Variants in TENT4A observed in about 807,000 individuals in gnomAD.
TENT4A encodes the protein terminal nucleotidyltransferase 4A, also known as DNA polymerase kappa.
A neutral mutation model predicts 72.8 loss-of-function variants in TENT4A; 7 were observed. The ratio of observed to expected loss-of-function variants is 0.10; its 90% CI spans 0.05 to 0.18. The LOEUF (loss-of-function observed/expected upper bound fraction) is 0.18, where lower values mean the gene tolerates loss of function less well. TENT4A is among the 10% of genes least tolerant of loss of function. TENT4A has a pLI of 1.00. For synonymous variants in TENT4A, 456 were observed against 434.3 expected (o/e 1.05, Z -0.62); for missense variants, 831 against 1,017.7 (o/e 0.82, Z 2.50).
At chr5:6,743,146 A>G (rs937973319) in intron 5 of TENT4A, among the ~76,000 whole-genome samples, 32 of 152,056 alleles carry the variant, frequency 2.1e-4, no homozygotes, top group Admixed American at 1.2e-3. Context: ...GGCTGTTGCA[A>G]TCCTTAGCAG....
chr5:6,756,431 T>C lies in TENT4A; in HGVS notation c.*1486T>C, dbSNP rs373447716. 38 of 152,548 alleles carry C rather than the reference T, an allele frequency of 2.5e-4. No homozygotes were observed. The highest frequency in any genetic ancestry group is 8.4e-4 in the African/African-American group (35 of 41,432). 9.4% of individuals were successfully genotyped at this position (152,548 alleles called of 1,614,324 possible). ...GGAGAATGTCAAGACAAGATACTTA[T>C]TACCATGACATCTGATGCATGTGCA... On this transcript the variant is annotated 3_prime_UTR_variant, in exon 13 of 13. Coordinates refer to ENST00000230859, the MANE Select transcript of TENT4A (RefSeq NM_006999.6).
intron 7 of TENT4A, among the ~76,000 whole-genome samples, chr5:6,746,903 A>G (rs1742134844): frequency 6.6e-6 from 1 of 152,000 alleles, no homozygotes; most frequent in Admixed American, 6.6e-5. Flanking sequence ...ACCCTTTCCT[A>G]TGTGTGTAGG....
intron 11 of TENT4A, among the ~76,000 whole-genome samples, chr5:6,752,415 G>C (rs1050481939): frequency 6.6e-6 from 1 of 152,236 alleles, no homozygotes; most frequent in African/African-American, 2.4e-5. Context: ...CACTTCTGCT[G>C]CTGACAGTAA....
In TENT4A at chr5:6,742,715, T is replaced by A. The variant is rs1741871387; in HGVS notation, c.1116+118T>A. 3.0e-5 allele frequency: 19 copies of A among 629,344 alleles called. No individual in the cohort carries two copies. The South Asian group carries it at 3.6e-4, about 12-fold the overall frequency. 39.0% of individuals were successfully genotyped at this position (629,344 alleles called of 1,614,324 possible). ...CACACAAGTCTTTCGTAACACAGAC[T>A]ACACTTACATTATTTCTCCTACAAT... On this transcript the variant is annotated intron_variant, in intron 5 of 12. Coordinates refer to ENST00000230859, the MANE Select transcript of TENT4A (RefSeq NM_006999.6).
chr5:6,751,606 C>T (rs1742412257), intron 11 of TENT4A: 1 of 160,932 alleles, frequency 6.2e-6, no homozygotes, highest in Non-Finnish European at 1.3e-5. Flanking sequence ...TTAATGTGAA[C>T]TTATTAGACT....
chr5:6,729,679 C>G (rs1392238137), intron 1 of TENT4A, among the ~76,000 whole-genome samples: 1 of 152,202 alleles, frequency 6.6e-6, no homozygotes, highest in Non-Finnish European at 1.5e-5. Context: ...CTTGGCCTCT[C>G]CTTAATCTCT....
chr5:6,725,635 T>C (rs970842533), intron 1 of TENT4A, among the ~76,000 whole-genome samples: 3 of 152,232 alleles, frequency 2.0e-5, no homozygotes, highest in African/African-American at 7.2e-5. Flanking sequence ...TGCTTCGTGC[T>C]AACTAACTAA....
At chr5:6,716,624 C>T (rs72724287) in intron 1 of TENT4A, among the ~76,000 whole-genome samples, 3,984 of 152,226 alleles carry the variant, frequency 0.026, 62 homozygotes, top group Middle Eastern at 0.041. Flanking sequence ...ATGTCACCTC[C>T]CCCATCTCCA....
At chr5:6,731,522 G>C (rs935287333) in intron 1 of TENT4A, among the ~76,000 whole-genome samples, 2 of 151,910 alleles carry the variant, frequency 1.3e-5, no homozygotes, top group Non-Finnish European at 2.9e-5. Context: ...CTCATATTCA[G>C]TGGGTTTAAG....
chr5:6,737,076 C>T (rs1741546024), intron 1 of TENT4A, among the ~76,000 whole-genome samples: 1 of 152,220 alleles, frequency 6.6e-6, no homozygotes, highest in Admixed American at 6.5e-5. Flanking sequence ...TCAGTCCCTC[C>T]CATGCTCCTT....
intron 1 of TENT4A, among the ~76,000 whole-genome samples, chr5:6,722,680 G>A (rs1414024857): frequency 6.7e-6 from 1 of 149,876 alleles, no homozygotes; most frequent in East Asian, 2.0e-4. Flanking sequence ...GTGCTGCTCC[G>A]TGTAACTCAT....
At chr5:6,731,509 G>T (rs1741214331) in intron 1 of TENT4A, among the ~76,000 whole-genome samples, 1 of 151,996 alleles carries the variant, frequency 6.6e-6, no homozygotes, top group Non-Finnish European at 1.5e-5. Flanking sequence ...CAGAGTGCAG[G>T]TCCTCATATT....
rs1742232220 is a variant in TENT4A at position 6,748,601 on chromosome 5, G to A, written c.1586+11G>A. 3.7e-6 allele frequency: 6 copies of A among 1,605,950 alleles called. No homozygotes were observed. The highest frequency in any genetic ancestry group is 5.1e-6 in the Non-Finnish European group (6 of 1,173,158). On this transcript the variant is annotated intron_variant, in intron 8 of 12. Coordinates refer to ENST00000230859, the MANE Select transcript of TENT4A (RefSeq NM_006999.6). Reference sequence around the variant, plus strand: ...CAGAGACGCCGAAAGGTAATGGGTTGTGTGTCTGCGTCTGGGCTCAGCGTG... The same window carrying A: ...CAGAGACGCCGAAAGGTAATGGGTTATGTGTCTGCGTCTGGGCTCAGCGTG...
chr5:6,723,470 A>G (rs1292403820), intron 1 of TENT4A, among the ~76,000 whole-genome samples: 1 of 146,882 alleles, frequency 6.8e-6, no homozygotes, highest in East Asian at 2.0e-4. Context: ...TGACCCTTGA[A>G]ATGAGTGATA....
chr5:6,753,029 T>C lies in TENT4A; in HGVS notation c.2176T>C (p.Tyr726His), dbSNP rs889942174. Residue 726 changes from tyrosine (Y) to histidine (H), a missense_variant, in exon 12 of 13, where the codon TAT becomes CAT. By Grantham distance (83) the Tyr-to-His change is moderately conservative (BLOSUM62 2). This residue lies in a region of TENT4A where 332 missense variants were observed against 324.3 expected (regional missense o/e 1.02). Coordinates refer to ENST00000230859, the MANE Select transcript of TENT4A (RefSeq NM_006999.6). Reference sequence around the variant, plus strand: ...CAACCCGCTCTCGAGCCCTCATCTGTATCATAAGGTATAGCTCTGTCCTGG... The same window carrying C: ...CAACCCGCTCTCGAGCCCTCATCTGCATCATAAGGTATAGCTCTGTCCTGG... ...SPNPLSSPHLYHKQHNGMKLS... is the reference protein window; with the variant it reads ...SPNPLSSPHLHHKQHNGMKLS... The C allele has an allele frequency of 1.2e-6, 2 of 1,613,874 alleles. No homozygotes were observed. Among genetic ancestry groups the C allele is most frequent in the Non-Finnish European group, 1.7e-6 (2 of 1,179,922 alleles).
At position 6,755,643 on chromosome 5, in the gene TENT4A, T is replaced by G. The variant is rs761367354; in HGVS notation, c.*698T>G. On this transcript the variant is annotated 3_prime_UTR_variant, in exon 13 of 13. Transcript: ENST00000230859. Reference sequence around the variant, plus strand: ...GTTTGGGGTTTTATTTTGATGTCTTTTCTTTTGGTCGGAAGTGAGTGAAGG... The same window carrying G: ...GTTTGGGGTTTTATTTTGATGTCTTGTCTTTTGGTCGGAAGTGAGTGAAGG... 2 of 152,466 alleles carry G rather than the reference T, an allele frequency of 1.3e-5. No homozygotes were observed. The highest frequency in any genetic ancestry group is 2.4e-5 in the African/African-American group (1 of 41,454). 9.4% of individuals were successfully genotyped at this position (152,466 alleles called of 1,614,324 possible).
At chr5:6,715,367 A>G (rs1248084091) in intron 1 of TENT4A, among the ~76,000 whole-genome samples, 1 of 152,340 alleles carries the variant, frequency 6.6e-6, no homozygotes, top group South Asian at 2.1e-4. Context: ...TAGAGGCTCT[A>G]CTTAAATTTA....
rs1298225221 is a variant in TENT4A at position 6,713,631 on chromosome 5, C to G, written c.-353C>G. The G allele has an allele frequency of 1.4e-5, 2 of 146,716 alleles. No homozygotes were observed. Among genetic ancestry groups the G allele is most frequent in the Non-Finnish European group, 3.0e-5 (2 of 65,686 alleles). The allele number at this position is 146,716 out of a possible 1,614,324, so 9.1% of individuals were successfully genotyped here. ...CCGCCCTTCTCCGATGGCCTCTCCC[C>G]GCGGCCCGAGTGGAACGCCGCCGCC... is the stretch of plus-strand genomic sequence containing the variant. On this transcript the variant is annotated 5_prime_UTR_variant, in exon 1 of 13. Transcript: ENST00000230859.
At chr5:6,730,214 C>T (rs1741139750) in intron 1 of TENT4A, among the ~76,000 whole-genome samples, 1 of 152,106 alleles carries the variant, frequency 6.6e-6, no homozygotes. Flanking sequence ...GGCACCTCTG[C>T]TCACACTCCG....
Sources: allele counts gnomAD v4.1 joint callset (sites outside exome capture counted in the v4.1 genomes callset), GRCh38; gene constraint gnomAD v4.1.1; regional missense constraint gnomAD v4.1.1; transcripts MANE v1.5; gene names NCBI Gene and HGNC (gene_info 2026-07-23, HGNC 2026-07-21).